Variants in CASQ2 observed in about 807,000 individuals in gnomAD.
The protein encoded by CASQ2 is calsequestrin-2.
CASQ2 carries 49 observed loss-of-function variants against 46.5 expected under a neutral mutation model. That is an observed-to-expected ratio of 1.05 (90% CI 0.84 to 1.34). The LOEUF is 1.34. CASQ2 is among the 40% of genes most tolerant of loss of function. CASQ2 has a pLI of 0.00. For missense variants in CASQ2, 486 were observed against 481.3 expected, an observed-to-expected ratio of 1.01 and a Z score of -0.09; for synonymous variants, 174 against 168.5, an observed-to-expected ratio of 1.03 and a Z score of -0.25.
Position 115,705,246 on chromosome 1 carries a change from A to G in CASQ2, c.885T>C (p.Asn295=). The G allele has an allele frequency of 6.2e-7, 1 of 1,614,090 alleles. No homozygotes were observed. The highest frequency in any genetic ancestry group is 8.5e-7 in the Non-Finnish European group (1 of 1,179,942). ...GGATGCTCAGATCGGGGTTGTCAGT[A>G]TTGTCCCGGGCAACCTGTTTCAGGA... is the stretch of plus-strand genomic sequence containing the variant. ...LEILKQVARD[N]TDNPDLSILW... is the part of the protein sequence containing the mutation. Residue 295 remains asparagine (N), a synonymous_variant, in exon 9 of 11, where the codon AAT becomes AAC. Transcript: ENST00000261448.
At chr1:115,734,650 C>T (rs1647896710) in intron 4 of CASQ2, among the ~76,000 whole-genome samples, 1 of 152,230 alleles carries the variant, frequency 6.6e-6, no homozygotes, top group Admixed American at 6.5e-5. Context: ...CCCTTTCCCA[C>T]TTTCTTTGAT....
chr1:115,734,107 C>T (rs1218917193), intron 4 of CASQ2, among the ~76,000 whole-genome samples: 1 of 152,196 alleles, frequency 6.6e-6, no homozygotes, highest in African/African-American at 2.4e-5. Flanking sequence ...GATACACACT[C>T]ACACTAACTT....
intron 1 of CASQ2, among the ~76,000 whole-genome samples, chr1:115,762,629 C>A (rs1295008502): frequency 2.0e-5 from 3 of 152,186 alleles, no homozygotes; most frequent in Non-Finnish European, 2.9e-5. Flanking sequence ...GAGGTCCTTG[C>A]ATGTCTCCTT....
At chr1:115,730,918 C>T (rs1647761307) in intron 5 of CASQ2, among the ~76,000 whole-genome samples, 1 of 152,196 alleles carries the variant, frequency 6.6e-6, no homozygotes, top group African/African-American at 2.4e-5. Context: ...TTACTTTTCT[C>T]CTCTTCTGTC....
chr1:115,731,742 T>C (rs997106443), intron 5 of CASQ2, among the ~76,000 whole-genome samples: 4 of 152,196 alleles, frequency 2.6e-5, no homozygotes, highest in African/African-American at 9.6e-5. Flanking sequence ...ACTTAATCTT[T>C]CAGCACCTCA....
intron 8 of CASQ2, 108 bp from the exon 9 acceptor site, chr1:115,705,400 C>T (rs1483814619): frequency 1.4e-6 from 1 of 736,756 alleles, no homozygotes; most frequent in African/African-American, 1.7e-5. Context: ...ATTTGGTGCT[C>T]ACCCTCAATT....
intron 8 of CASQ2, 68 bp downstream of exon 8, chr1:115,717,772 G>T: frequency 8.7e-7 from 1 of 1,153,308 alleles, no homozygotes; most frequent in Non-Finnish European, 1.3e-6. Flanking sequence ...AGAGAAAGGT[G>T]AGGGCTGGCA....
intron 5 of CASQ2, 90 bp downstream of exon 5, chr1:115,732,811 T>G (rs368156659): frequency 2.2e-6 from 2 of 900,492 alleles, no homozygotes. Context: ...TGGTTAATGT[T>G]GCTAAAAGAA....
chr1:115,748,946 CAATACAGTAGAA>C (rs1394949003), intron 1 of CASQ2, among the ~76,000 whole-genome samples: 1 of 152,126 alleles, frequency 6.6e-6, no homozygotes, highest in Non-Finnish European at 1.5e-5. Flanking sequence ...GGCCTCAGCA[CAATACAGTAGAA>C]AATAGACCTG....
At chr1:115,765,758 C>T (rs1484346272) in intron 1 of CASQ2, among the ~76,000 whole-genome samples, 2 of 152,036 alleles carry the variant, frequency 1.3e-5, no homozygotes, top group African/African-American at 2.4e-5. Flanking sequence ...AAGGGAGCTG[C>T]CTCCCCTCCA....
At chr1:115,761,018 G>T (rs1236400925) in intron 1 of CASQ2, among the ~76,000 whole-genome samples, 2 of 152,080 alleles carry the variant, frequency 1.3e-5, no homozygotes, top group Non-Finnish European at 2.9e-5. Flanking sequence ...GGAGGTAGGA[G>T]CTAATGGTTG....
intron 1 of CASQ2, among the ~76,000 whole-genome samples, chr1:115,758,722 T>C (rs534834632): frequency 1.3e-5 from 2 of 152,142 alleles, no homozygotes; most frequent in South Asian, 4.1e-4. Context: ...GCACCTTTTC[T>C]CTCTCTCTCG....
intron 2 of CASQ2, among the ~76,000 whole-genome samples, chr1:115,741,495 T>G (rs1648178423): frequency 6.6e-6 from 1 of 152,208 alleles, no homozygotes; most frequent in African/African-American, 2.4e-5. Context: ...TCAGCTCAAT[T>G]TACAGGTCTT....
At chr1:115,734,865 A>G (rs1647904317) in intron 4 of CASQ2, among the ~76,000 whole-genome samples, 1 of 152,242 alleles carries the variant, frequency 6.6e-6, no homozygotes, top group Non-Finnish European at 1.5e-5. Flanking sequence ...GAATAATATC[A>G]TCTGTCTTAC....
intron 4 of CASQ2, among the ~76,000 whole-genome samples, chr1:115,736,482 C>G (rs1222754797): frequency 6.6e-6 from 1 of 150,846 alleles, no homozygotes; most frequent in Admixed American, 6.6e-5. Context: ...ACTAAAAACA[C>G]TAAAATTAGC....
chr1:115,766,581 G>C (rs531222977), intron 1 of CASQ2, among the ~76,000 whole-genome samples: 4 of 152,122 alleles, frequency 2.6e-5, no homozygotes, highest in Non-Finnish European at 4.4e-5. Flanking sequence ...CCTGTGTCCT[G>C]TGCCTAGTAG....
chr1:115,744,992 A>G lies in CASQ2; in HGVS notation c.235-80T>C, dbSNP rs115375015. On this transcript the variant is annotated intron_variant, in intron 1 of 10. Transcript: ENST00000261448. ...TATTACAGGATTACTATCCTCATGT[A>G]TCAATGGAAGGGTTTCCTCTATACT... The G allele has an allele frequency of 1.3e-3, 1,308 of 1,015,704 alleles. 15 individuals are homozygous for G. The African/African-American group carries it at 0.018, about 14-fold the overall frequency. 62.9% of individuals were successfully genotyped at this position (1,015,704 alleles called of 1,614,324 possible).
At chr1:115,736,306 C>A (rs1647957139) in intron 4 of CASQ2, among the ~76,000 whole-genome samples, 1 of 151,954 alleles carries the variant, frequency 6.6e-6, no homozygotes, top group African/African-American at 2.4e-5. Flanking sequence ...TAAGGAATTT[C>A]ATGTTGCTAT....
At chr1:115,717,445 C>G (rs4291497) in intron 8 of CASQ2, among the ~76,000 whole-genome samples, 88,178 of 151,964 alleles carry the variant, frequency 0.58, 25,809 homozygotes, top group East Asian at 0.65. Flanking sequence ...CAGGCCCTCA[C>G]CTTCCATGAT....
Sources: allele counts gnomAD v4.1 joint callset (sites outside exome capture counted in the v4.1 genomes callset), GRCh38; gene constraint gnomAD v4.1.1; transcripts MANE v1.5; gene names NCBI Gene and HGNC (gene_info 2026-07-23, HGNC 2026-07-21).